Variants in GRID2 observed in about 807,000 individuals in gnomAD.
GRID2 encodes glutamate ionotropic receptor delta type subunit 2, also known as glutamate receptor ionotropic, delta-2.
In GRID2, 33 loss-of-function variants were observed where a neutral mutation model predicts 114.8. The observed-to-expected ratio is 0.29, with a 90% CI of 0.22 to 0.38. The LOEUF is 0.38. GRID2 is among the 10% of genes least tolerant of loss of function. The pLI, the probability that GRID2 is intolerant of heterozygous loss-of-function variation, is 1.00. For synonymous variants in GRID2, 505 were observed against 449.9 expected, an observed-to-expected ratio of 1.12 and a Z score of -1.55; for missense variants, 1,184 against 1,257.7, an observed-to-expected ratio of 0.94 and a Z score of 0.89.
intron 2 of GRID2, among the ~76,000 whole-genome samples, chr4:92,633,553 C>T (rs1009228900): frequency 1.3e-5 from 2 of 152,228 alleles, no homozygotes; most frequent in South Asian, 2.1e-4. Context: ...TTCTCTCTGT[C>T]TTCTGTTTTC....
chr4:92,445,285 A>G (rs1380561897), intron 1 of GRID2, among the ~76,000 whole-genome samples: 1 of 152,172 alleles, frequency 6.6e-6, no homozygotes, highest in East Asian at 1.9e-4. Flanking sequence ...TATAATCACA[A>G]TGTCGTGCTG....
chr4:93,492,807 T>C (rs1326004135), intron 12 of GRID2, among the ~76,000 whole-genome samples: 1 of 151,822 alleles, frequency 6.6e-6, no homozygotes, highest in Non-Finnish European at 1.5e-5. Flanking sequence ...TGTGAAATAA[T>C]TGACACAATC....
intron 14 of GRID2, among the ~76,000 whole-genome samples, chr4:93,676,046 G>A (rs927821214): frequency 6.6e-5 from 10 of 152,224 alleles, no homozygotes; most frequent in Admixed American, 4.6e-4. Context: ...GAATACACCC[G>A]GGAAGAGTTG....
chr4:93,432,831 A>T (rs113799834), intron 10 of GRID2, among the ~76,000 whole-genome samples: 13,775 of 152,114 alleles, frequency 0.091, 1,616 homozygotes, highest in African/African-American at 0.27. Flanking sequence ...GGAGGCCAAG[A>T]TGGGAGGATC....
chr4:92,685,836 C>A (rs1423523732), intron 2 of GRID2, among the ~76,000 whole-genome samples: 1 of 152,032 alleles, frequency 6.6e-6, no homozygotes, highest in Non-Finnish European at 1.5e-5. Flanking sequence ...CTATTCAACA[C>A]ATTTTTGAAA....
chr4:93,400,830 A>G (rs905156066), intron 9 of GRID2, among the ~76,000 whole-genome samples: 1 of 151,760 alleles, frequency 6.6e-6, no homozygotes, highest in Non-Finnish European at 1.5e-5. Flanking sequence ...GACTTTAGAG[A>G]GTTTTTTTGT....
At chr4:93,492,786 T>C (rs1234609462) in intron 12 of GRID2, among the ~76,000 whole-genome samples, 3 of 151,834 alleles carry the variant, frequency 2.0e-5, no homozygotes, top group Non-Finnish European at 4.4e-5. Context: ...TGATTCAATA[T>C]ACATATACAT....
chr4:92,926,572 G>T (rs1417590401), intron 2 of GRID2, among the ~76,000 whole-genome samples: 1 of 151,952 alleles, frequency 6.6e-6, no homozygotes, highest in African/African-American at 2.4e-5. Flanking sequence ...TGCTGAAAAA[G>T]AGTCTATTGA....
chr4:93,216,433 C>CTA lies in GRID2; in HGVS notation c.790-303_790-302dup, dbSNP rs150884388. Among the ~76,000 whole-genome samples the CTA allele has an allele frequency of 9.0e-3, 1,363 of 152,070 alleles. 21 individuals are homozygous for CTA. Among genetic ancestry groups the CTA allele is most frequent in the African/African-American group, 0.031 (1,296 of 41,500 alleles). On this transcript the variant is annotated intron_variant, in intron 5 of 15. Transcript: ENST00000282020. ...ACCTTTTTAAATGTTTTGACCACAC[C>CTA]TATGTTTCTACAATGTTCAACATTA...
At chr4:93,091,236 T>C (rs1730760404) in intron 3 of GRID2, among the ~76,000 whole-genome samples, 1 of 152,094 alleles carries the variant, frequency 6.6e-6, no homozygotes, top group Admixed American at 6.6e-5. Context: ...CCACCCGATG[T>C]AATGAGTGAG....
At chr4:92,977,591 T>G (rs73837375) in intron 2 of GRID2, among the ~76,000 whole-genome samples, 1 of 152,250 alleles carries the variant, frequency 6.6e-6, no homozygotes, top group African/African-American at 2.4e-5. Flanking sequence ...TGATTTGAAT[T>G]TTATAGAGAA....
intron 1 of GRID2, among the ~76,000 whole-genome samples, chr4:92,451,171 C>G (rs548710970): frequency 6.6e-6 from 1 of 151,974 alleles, no homozygotes; most frequent in Non-Finnish European, 1.5e-5. Context: ...CTAGCCTGAC[C>G]GTGGAGCTGA....
At chr4:92,825,018 T>G (rs558423390) in intron 2 of GRID2, among the ~76,000 whole-genome samples, 1 of 152,094 alleles carries the variant, frequency 6.6e-6, no homozygotes, top group Non-Finnish European at 1.5e-5. Flanking sequence ...ATCCCAGAAC[T>G]TAAAGTATAA....
chr4:92,448,113 G>C lies in GRID2; in HGVS notation c.89-142018G>C, dbSNP rs553360514. 4.7e-4 allele frequency among the ~76,000 whole-genome samples: 71 copies of C among 151,568 alleles called. 1 individual carries two copies. The highest frequency in any genetic ancestry group is 3.8e-4 in the Non-Finnish European group (26 of 67,936). On this transcript the variant is annotated intron_variant, in intron 1 of 15. Coordinates refer to ENST00000282020, the MANE Select transcript of GRID2 (RefSeq NM_001510.4). Reference sequence around the variant, plus strand: ...TTGGGTAAAGCTTTTCTGTAGAGTAGTAGTATTGATTTTTATTTTATGTAT... The same window carrying C: ...TTGGGTAAAGCTTTTCTGTAGAGTACTAGTATTGATTTTTATTTTATGTAT...
At chr4:92,368,609 T>C (rs1194066797) in intron 1 of GRID2, among the ~76,000 whole-genome samples, 1 of 152,190 alleles carries the variant, frequency 6.6e-6, no homozygotes, top group South Asian at 2.1e-4. Flanking sequence ...CCTAAGCTCA[T>C]GAAGAGTTTA....
chr4:92,668,444 A>G (rs1250236350), intron 2 of GRID2, among the ~76,000 whole-genome samples: 1 of 151,708 alleles, frequency 6.6e-6, no homozygotes, highest in African/African-American at 2.4e-5. Context: ...TACTGAGTTT[A>G]GTTCATAATA....
At chr4:92,735,028 C>T (rs1736524362) in intron 2 of GRID2, among the ~76,000 whole-genome samples, 1 of 151,984 alleles carries the variant, frequency 6.6e-6, no homozygotes, top group Admixed American at 6.6e-5. Context: ...ATCCACCTTC[C>T]TTGGCCTCCC....
At chr4:92,509,971 T>A (rs1226195942) in intron 1 of GRID2, among the ~76,000 whole-genome samples, 1 of 151,888 alleles carries the variant, frequency 6.6e-6, no homozygotes, top group East Asian at 1.9e-4. Flanking sequence ...GGAAGACAAC[T>A]AGAGTTTTTC....
intron 12 of GRID2, among the ~76,000 whole-genome samples, chr4:93,505,926 A>G (rs1728582889): frequency 6.6e-6 from 1 of 152,050 alleles, no homozygotes; most frequent in African/African-American, 2.4e-5. Context: ...TTTTCAGATG[A>G]CTGTTCTCTT....
Sources: gnomAD v4.1 joint callset for allele counts (sites outside exome capture counted in the v4.1 genomes callset) on GRCh38, gnomAD v4.1.1 for gene constraint, MANE v1.5 for transcripts, NCBI Gene and HGNC (gene_info 2026-07-23, HGNC 2026-07-21) for gene names.